The following KCNC4 variants were observed in gnomAD, a reference collection of about 807,000 sequenced individuals.
KCNC4 encodes potassium voltage-gated channel subfamily C member 4, also known as voltage-gated potassium channel KCNC4.
In KCNC4, 23 loss-of-function variants were observed where a neutral mutation model predicts 42.8. That is an observed-to-expected ratio of 0.54 (90% CI 0.39 to 0.76). The LOEUF (loss-of-function observed/expected upper bound fraction) is 0.76. Among genes scored for constraint, KCNC4 ranks in the 30% least tolerant of loss-of-function variants. The pLI, the probability that KCNC4 is intolerant of heterozygous loss-of-function variation, is 0.00. For synonymous variants in KCNC4, 422 were observed against 393.5 expected (o/e 1.07, Z -0.86); for missense variants, 751 against 898.2 (o/e 0.84, Z 2.10).
At chr1:110,215,332 T>C (rs663810) in intron 1 of KCNC4, among the ~76,000 whole-genome samples, 101,620 of 152,086 alleles carry the variant, frequency 0.67, 35,031 homozygotes, top group African/African-American at 0.83. Context: ...TGGGAACAGG[T>C]ACGAGGGGCA....
Position 110,210,456 on chromosome 1 carries a change from C to T in KCNC4, c.-1044C>T, listed in dbSNP as rs1318845138. 2.6e-5 allele frequency among the ~76,000 whole-genome samples: 4 copies of T among 151,552 alleles called. No homozygotes were observed. Among genetic ancestry groups the T allele is most frequent in the Admixed American group, 2.0e-4 (3 of 15,220 alleles). ...GCGCGAGCCAAGGCCGGCGCCCCGC[C>T]CGGAGATGGGCAGACGCGTAGATGG... On this transcript the variant is annotated 5_prime_UTR_variant, in exon 1 of 4. Transcript: ENST00000438661.
chr1:110,282,721 G>A (rs1659849957), intron 2 of KCNC4: 1 of 152,270 alleles, frequency 6.6e-6, no homozygotes, highest in Non-Finnish European at 1.5e-5. Context: ...ACCAGGGGAT[G>A]GCCCTTGCTT....
rs950171231 is a variant in KCNC4, at chr1:110,273,463, C to A, written n.31-9071C>A. On this transcript the variant is annotated intron_variant and non_coding_transcript_variant, in intron 1 of 2. Transcript: ENST00000412512. Reference sequence around the variant, plus strand: ...ACGAAGAGTCTGGAAAGAACAGGGACCCTGGGTTATCATCTCTCCTTCCCT... The same window carrying A: ...ACGAAGAGTCTGGAAAGAACAGGGAACCTGGGTTATCATCTCTCCTTCCCT... Among the ~76,000 whole-genome samples the A allele has an allele frequency of 3.3e-5, 5 of 152,264 alleles. No individual in the cohort carries two copies. In the East Asian group the frequency reaches 7.7e-4, roughly 23 times the overall value.
At chr1:110,217,273 G>A (rs1200441021) in intron 1 of KCNC4, among the ~76,000 whole-genome samples, 2 of 152,322 alleles carry the variant, frequency 1.3e-5, no homozygotes, top group South Asian at 2.1e-4. Flanking sequence ...CTCTACGTGG[G>A]ATGAGGTGTA....
At chr1:110,258,446 C>A (rs1659373308) in intron 1 of KCNC4, among the ~76,000 whole-genome samples, 1 of 152,134 alleles carries the variant, frequency 6.6e-6, no homozygotes, top group Non-Finnish European at 1.5e-5. Context: ...CCACATTGGC[C>A]AGGATGGTCT....
chr1:110,228,721 C>G (rs948248692), intron 3 of KCNC4: 1 of 152,652 alleles, frequency 6.6e-6, no homozygotes, highest in Middle Eastern at 3.4e-3. Context: ...CCTCTGGGCA[C>G]ACGCGCACAA....
intron 1 of KCNC4, among the ~76,000 whole-genome samples, chr1:110,279,139 C>A (rs183744292): frequency 1.7e-4 from 26 of 152,276 alleles, no homozygotes; most frequent in Admixed American, 1.7e-3. Flanking sequence ...ATCAGTGGAA[C>A]ATCTGTGCCA....
In KCNC4 at chr1:110,223,047, C is replaced by T; in HGVS notation, c.762C>T (p.Asp254=). 6.2e-7 allele frequency: 1 copy of T among 1,614,150 alleles called. No individual in the cohort carries two copies. Among genetic ancestry groups the T allele is most frequent in the Non-Finnish European group, 8.5e-7 (1 of 1,180,024 alleles). Residue 254 remains aspartate (D), a synonymous_variant, in exon 2 of 4, where the codon GAC becomes GAT. Coordinates refer to ENST00000438661, the MANE Select transcript of KCNC4 (RefSeq NM_001039574.3). The surrounding 1 kb of genome is among the most constrained non-coding windows in gnomAD (Gnocchi z 7.5). ...AGACCCATGAGGCCTTTAATATCGA[C>T]CGCAACGTGACAGAGATCCTCCGCG... The part of the protein sequence containing the change: ...CLETHEAFNI[D]RNVTEILRVG...
chr1:110,233,305 C>A lies in KCNC4; in HGVS notation c.*333C>A. The stretch of plus-strand genomic sequence containing the variant: ...CCTTGCCCCACCCAGAGTTTCCCGT[C>A]CCCTTCACTGATTTCTGTTGTTTCT... On this transcript the variant is annotated 3_prime_UTR_variant, in exon 4 of 4. Transcript: ENST00000438661. 1 of 397,978 alleles carries A rather than the reference C, an allele frequency of 2.5e-6. No homozygotes were observed. The highest frequency in any genetic ancestry group is 4.1e-5 in the Admixed American group (1 of 24,116). The allele number at this position is 397,978 out of a possible 1,614,324, so 24.7% of individuals were successfully genotyped here.
intron 1 of KCNC4, among the ~76,000 whole-genome samples, chr1:110,267,829 T>C (rs1269730114): frequency 1.3e-5 from 2 of 152,190 alleles, no homozygotes; most frequent in Non-Finnish European, 2.9e-5. Context: ...AATATAACTA[T>C]GAGAGGAATT....
At chr1:110,226,893 A>T (rs1032469879) in intron 3 of KCNC4, among the ~76,000 whole-genome samples, 2 of 152,174 alleles carry the variant, frequency 1.3e-5, no homozygotes, top group African/African-American at 4.8e-5. Flanking sequence ...GCAAGGGCAG[A>T]GGTTGGGCTG....
At chr1:110,213,860 G>A (rs769732324) in intron 1 of KCNC4, among the ~76,000 whole-genome samples, 62 of 152,268 alleles carry the variant, frequency 4.1e-4, no homozygotes, top group Non-Finnish European at 7.5e-4. Context: ...GTTGGGGGTC[G>A]GGGAGGAGAG....
intron 3 of KCNC4, 156 bp downstream of exon 3, chr1:110,226,334 T>C (rs761883020): frequency 7.5e-6 from 5 of 664,820 alleles, no homozygotes; most frequent in Non-Finnish European, 1.4e-5. Flanking sequence ...GTACCTGATC[T>C]CCCAGTCCCT....
exon 2 of KCNC4, chr1:110,282,647 A>G (rs1051557446): frequency 2.0e-5 from 3 of 152,286 alleles, no homozygotes; most frequent in African/African-American, 7.2e-5. Flanking sequence ...CATTACAGGC[A>G]TCTGTGGGTA....
chr1:110,227,813 T>C (rs72990514), intron 3 of KCNC4, among the ~76,000 whole-genome samples: 7,260 of 152,116 alleles, frequency 0.048, 461 homozygotes, highest in African/African-American at 0.14. Flanking sequence ...AGGGTACCAG[T>C]CAGGAGGGAC....
At chr1:110,226,340 T>G (rs1288171963) in intron 3 of KCNC4, 162 bp downstream of exon 3, 1 of 658,200 alleles carries the variant, frequency 1.5e-6, no homozygotes, top group South Asian at 1.7e-5. Flanking sequence ...GATCTCCCAG[T>G]CCCTGGATTA....
chr1:110,269,920 A>AT (rs1228752227), intron 1 of KCNC4, among the ~76,000 whole-genome samples: 1 of 152,062 alleles, frequency 6.6e-6, no homozygotes, highest in Non-Finnish European at 1.5e-5. Context: ...TTTGTGATCT[A>AT]TTTTTGTGCT....
intron 1 of KCNC4, among the ~76,000 whole-genome samples, chr1:110,265,496 A>G (rs1203278842): frequency 6.6e-6 from 1 of 152,202 alleles, no homozygotes; most frequent in Non-Finnish European, 1.5e-5. Context: ...AGGAGCTTTT[A>G]GAGAGGGCTG....
intron 1 of KCNC4, among the ~76,000 whole-genome samples, chr1:110,258,796 G>A (rs564612722): frequency 1.3e-5 from 2 of 152,272 alleles, no homozygotes; most frequent in South Asian, 4.1e-4. Context: ...GAGGCATGGA[G>A]CAGAAGTGGT....
Sources: allele counts gnomAD v4.1 joint callset (sites outside exome capture counted in the v4.1 genomes callset), GRCh38; gene constraint gnomAD v4.1.1; non-coding constraint Gnocchi (gnomAD v3.1); transcripts MANE v1.5; gene names NCBI Gene and HGNC (gene_info 2026-07-23, HGNC 2026-07-21).